Variants in CCDC148 observed in about 807,000 individuals in gnomAD.
The protein encoded by CCDC148 is coiled-coil domain containing 148, also known as coiled-coil domain-containing protein 148.
A neutral mutation model predicts 85.7 loss-of-function variants in CCDC148; 89 were observed. The observed-to-expected ratio is 1.04, with a 90% confidence interval of 0.87 to 1.24. The LOEUF (loss-of-function observed/expected upper bound fraction) is 1.24. Among genes scored for constraint, CCDC148 ranks in the 50% most tolerant of loss-of-function variants. CCDC148 has a pLI of 0.00. For missense variants in CCDC148, 692 were observed against 671.7 expected (o/e 1.03, Z -0.33); for synonymous variants, 230 against 213.9 (o/e 1.08, Z -0.66).
chr2:158,234,009 C>T (rs1687979348), intron 10 of CCDC148, among the ~76,000 whole-genome samples: 1 of 152,046 alleles, frequency 6.6e-6, no homozygotes, highest in Non-Finnish European at 1.5e-5. Context: ...AACCCTGTCT[C>T]TACTAAAAAT....
chr2:158,429,369 A>G (rs1687229713), intron 1 of CCDC148, among the ~76,000 whole-genome samples: 1 of 147,390 alleles, frequency 6.8e-6, no homozygotes, highest in South Asian at 2.1e-4. Context: ...GAATAGATAG[A>G]TAGATAGATA....
At chr2:158,376,233 G>A (rs1455785937) in intron 1 of CCDC148, among the ~76,000 whole-genome samples, 11 of 152,000 alleles carry the variant, frequency 7.2e-5, no homozygotes, top group Admixed American at 7.2e-4. Context: ...AATTTCACAT[G>A]CAGTTTTAAC....
intron 1 of CCDC148, among the ~76,000 whole-genome samples, chr2:158,433,091 A>ATATATATATATATATATATATATATATAT (rs57287790): frequency 3.9e-5 from 2 of 51,342 alleles, no homozygotes; most frequent in Non-Finnish European, 8.4e-5. Context: ...AAAAAAAAAA[A>ATATATATATATATATATATATATATATAT]ATATATATAT....
chr2:158,238,412 C>T (rs181491229), intron 10 of CCDC148, among the ~76,000 whole-genome samples: 2 of 152,162 alleles, frequency 1.3e-5, no homozygotes, highest in African/African-American at 4.8e-5. Context: ...TGTGGAAATT[C>T]TCTTCTTGTG....
At chr2:158,232,321 G>A (rs1321953581) in intron 10 of CCDC148, among the ~76,000 whole-genome samples, 1 of 151,960 alleles carries the variant, frequency 6.6e-6, no homozygotes, top group African/African-American at 2.4e-5. Context: ...ATAGATTTTG[G>A]AGCCAAAATA....
At chr2:158,364,561 A>T (rs186977881) in intron 1 of CCDC148, among the ~76,000 whole-genome samples, 80 of 152,368 alleles carry the variant, frequency 5.3e-4, no homozygotes, top group South Asian at 6.2e-4. Flanking sequence ...GCAAATGGGG[A>T]AAGGATTCCT....
chr2:158,421,816 G>C (rs1441633208), intron 1 of CCDC148, among the ~76,000 whole-genome samples: 1 of 152,028 alleles, frequency 6.6e-6, no homozygotes, highest in Non-Finnish European at 1.5e-5. Flanking sequence ...TTGTTGAAAA[G>C]ATCAACAAAA....
intron 3 of CCDC148, among the ~76,000 whole-genome samples, chr2:158,342,469 T>G (rs1306901720): frequency 1.3e-5 from 2 of 152,138 alleles, no homozygotes; most frequent in Middle Eastern, 3.2e-3. Flanking sequence ...GGAGGATGAG[T>G]GCATAATGGT....
chr2:158,385,226 T>C (rs1212830842), intron 1 of CCDC148, among the ~76,000 whole-genome samples: 3 of 152,166 alleles, frequency 2.0e-5, no homozygotes, highest in Admixed American at 1.3e-4. Flanking sequence ...TAATCTCCCC[T>C]ATTCTGAGAT....
chr2:158,433,074 CAA>C (rs755383954), intron 1 of CCDC148, among the ~76,000 whole-genome samples: 29 of 74,016 alleles, frequency 3.9e-4, no homozygotes, highest in East Asian at 1.8e-3. Flanking sequence ...CTCATCTCTA[CAA>C]AAAAAAAAAA....
chr2:158,239,464 A>C (rs1574468744), intron 10 of CCDC148, among the ~76,000 whole-genome samples: 1 of 152,118 alleles, frequency 6.6e-6, no homozygotes, highest in Non-Finnish European at 1.5e-5. Context: ...TCGGATTACC[A>C]TTCTACCATC....
At position 158,172,544 on chromosome 2, in the gene CCDC148, T is replaced by C. The variant is rs188575512; in HGVS notation, c.1630-285A>G. On this transcript the variant is annotated intron_variant, in intron 13 of 13. Transcript: ENST00000283233. Reference sequence around the variant, plus strand: ...ATTAAAAGATGAAGTAAAAGAAGCTTACTTTCAGTGCTACTATTGATTTAT... The same window carrying C: ...ATTAAAAGATGAAGTAAAAGAAGCTCACTTTCAGTGCTACTATTGATTTAT... 5.1e-4 allele frequency among the ~76,000 whole-genome samples: 78 copies of C among 152,202 alleles called. 1 individual carries two copies. Among genetic ancestry groups the C allele is most frequent in the African/African-American group, 1.7e-3 (71 of 41,558 alleles).
intron 1 of CCDC148, among the ~76,000 whole-genome samples, chr2:158,444,291 A>G (rs16842936): frequency 0.092 from 14,022 of 152,220 alleles, 710 homozygotes; most frequent in African/African-American, 0.12. Flanking sequence ...TTGAATAGAA[A>G]GGGATTTAAG....
intron 9 of CCDC148, among the ~76,000 whole-genome samples, chr2:158,264,974 T>C (rs1244666697): frequency 6.6e-6 from 1 of 152,138 alleles, no homozygotes; most frequent in Non-Finnish European, 1.5e-5. Flanking sequence ...CCAAAGCTCA[T>C]TTATACATTC....
intron 1 of CCDC148, among the ~76,000 whole-genome samples, chr2:158,439,802 GTAAATT>G (rs746483247): frequency 6.6e-6 from 1 of 152,138 alleles, no homozygotes; most frequent in East Asian, 1.9e-4. Flanking sequence ...TCAGGAAAAT[GTAAATT>G]TAAACTACAA....
At chr2:158,342,016 A>ATTTTATT (rs1559083849) in intron 3 of CCDC148, among the ~76,000 whole-genome samples, 1 of 102,878 alleles carries the variant, frequency 9.7e-6, no homozygotes, top group Non-Finnish European at 1.8e-5. Context: ...ACGTGTCATT[A>ATTTTATT]TTTTCTTTTC....
intron 1 of CCDC148, among the ~76,000 whole-genome samples, chr2:158,416,154 C>A (rs1171139870): frequency 2.0e-5 from 3 of 152,170 alleles, no homozygotes; most frequent in African/African-American, 7.2e-5. Flanking sequence ...ATGGCTGGAG[C>A]TGGAGTGGCT....
chr2:158,363,813 G>A (rs1465957993), intron 1 of CCDC148, among the ~76,000 whole-genome samples: 1 of 152,086 alleles, frequency 6.6e-6, no homozygotes, highest in Non-Finnish European at 1.5e-5. Context: ...GTTCTGGCCA[G>A]GGCAATTAGG....
intron 9 of CCDC148, among the ~76,000 whole-genome samples, chr2:158,272,223 C>T (rs1165544022): frequency 6.6e-6 from 1 of 152,074 alleles, no homozygotes; most frequent in African/African-American, 2.4e-5. Context: ...AACTTTAGCT[C>T]AATTTCAGAC....
Sources: gnomAD v4.1 joint callset for allele counts (sites outside exome capture counted in the v4.1 genomes callset) on GRCh38, gnomAD v4.1.1 for gene constraint, MANE v1.5 for transcripts, NCBI Gene and HGNC (gene_info 2026-07-23, HGNC 2026-07-21) for gene names.